The following DACH2 variants were observed in gnomAD, a reference collection of about 807,000 sequenced individuals.
DACH2 encodes dachshund family transcription factor 2, also known as dachshund homolog 2.
A neutral mutation model predicts 35.8 loss-of-function variants in DACH2; 17 were observed. That is an observed-to-expected ratio of 0.48 (90% confidence interval 0.33 to 0.71). The LOEUF (loss-of-function observed/expected upper bound fraction) is 0.71. DACH2 is among the 30% of genes least tolerant of loss of function. DACH2 has a pLI of 0.02. For synonymous variants in DACH2, 195 were observed against 177.3 expected (o/e 1.10, Z -0.79); for missense variants, 469 against 472.7 (o/e 0.99, Z 0.07).
intron 3 of DACH2, among the ~76,000 whole-genome samples, chrX:86,541,190 G>C (rs965879390): frequency 1.8e-5 from 2 of 112,030 alleles, no homozygotes; most frequent in Non-Finnish European, 3.8e-5. Flanking sequence ...TATTGAATTT[G>C]TAAGATACAG....
intron 1 of DACH2, among the ~76,000 whole-genome samples, chrX:86,274,452 T>C (rs1290882102): frequency 2.7e-5 from 1 of 37,487 alleles, no homozygotes; most frequent in African/African-American, 2.0e-4. Context: ...CATTAAATCC[T>C]TTTTTTTTTT....
At chrX:86,358,822 T>A (rs1054341151) in intron 1 of DACH2, among the ~76,000 whole-genome samples, 2 of 112,107 alleles carry the variant, frequency 1.8e-5, no homozygotes, top group African/African-American at 6.5e-5. Flanking sequence ...GCACTTTCCA[T>A]ACAAGGCCAG....
At chrX:86,477,519 A>G (rs1011226739) in intron 2 of DACH2, among the ~76,000 whole-genome samples, 1 of 108,259 alleles carries the variant, frequency 9.2e-6, no homozygotes, top group Non-Finnish European at 1.9e-5. Context: ...GGCAGGGATT[A>G]TATTTTTTCT....
At chrX:86,210,921 A>G (rs1458994151) in intron 1 of DACH2, among the ~76,000 whole-genome samples, 1 of 111,828 alleles carries the variant, frequency 8.9e-6, no homozygotes, top group Non-Finnish European at 1.9e-5. Flanking sequence ...TCAAAGCATC[A>G]TTGAGAGGAT....
At chrX:86,470,284 T>G (rs780898435) in intron 2 of DACH2, among the ~76,000 whole-genome samples, 1 of 112,140 alleles carries the variant, frequency 8.9e-6, no homozygotes, top group South Asian at 3.7e-4. Flanking sequence ...AGCTATATTT[T>G]GATTGACATG....
At chrX:86,209,249 A>T (rs1335931229) in intron 1 of DACH2, among the ~76,000 whole-genome samples, 1 of 111,436 alleles carries the variant, frequency 9.0e-6, no homozygotes, top group Non-Finnish European at 1.9e-5. Flanking sequence ...ACTGGCAAAG[A>T]GTGTCTGGGA....
intron 6 of DACH2, among the ~76,000 whole-genome samples, chrX:86,718,691 T>C (rs2041365327): frequency 8.9e-6 from 1 of 111,901 alleles, no homozygotes; most frequent in Non-Finnish European, 1.9e-5. Context: ...CATTCTTCTG[T>C]GTATGGCAAT....
At chrX:86,666,669 A>G (rs2040673065) in intron 4 of DACH2, among the ~76,000 whole-genome samples, 1 of 111,545 alleles carries the variant, frequency 9.0e-6, no homozygotes, top group Non-Finnish European at 1.9e-5. Flanking sequence ...TACAGTAAAG[A>G]CAATTCTAGC....
chrX:86,745,024 T>C (rs949803677), intron 7 of DACH2, among the ~76,000 whole-genome samples: 1 of 110,558 alleles, frequency 9.0e-6, no homozygotes, highest in Non-Finnish European at 1.9e-5. Context: ...CACTGGGAAG[T>C]AAATGTTTTC....
intron 5 of DACH2, among the ~76,000 whole-genome samples, chrX:86,698,533 T>TTTTTTTTTTTTTG (rs2041099166): frequency 1.3e-4 from 8 of 63,032 alleles, no homozygotes; most frequent in African/African-American, 2.4e-4. Flanking sequence ...TTTTTTTTTT[T>TTTTTTTTTTTTTG]TTTTTTTTTT....
At chrX:86,300,987 T>G (rs1323306957) in intron 1 of DACH2, among the ~76,000 whole-genome samples, 1 of 112,319 alleles carries the variant, frequency 8.9e-6, no homozygotes, top group African/African-American at 3.2e-5. Context: ...TGAAGTGGAT[T>G]CCTTTAGTTG....
At chrX:86,348,064 C>T (rs941758367) in intron 1 of DACH2, among the ~76,000 whole-genome samples, 21 of 111,423 alleles carry the variant, frequency 1.9e-4, no homozygotes, top group Non-Finnish European at 1.1e-4. Flanking sequence ...TAAGACCACC[C>T]GTTATAATGA....
chrX:86,585,034 C>T (rs2039551229), intron 3 of DACH2, among the ~76,000 whole-genome samples: 1 of 111,215 alleles, frequency 9.0e-6, no homozygotes, highest in Admixed American at 9.6e-5. Context: ...ACCAGATTTT[C>T]TTAATCCAAC....
chrX:86,175,696 T>A (rs1225744030), intron 1 of DACH2, among the ~76,000 whole-genome samples: 1 of 111,398 alleles, frequency 9.0e-6, no homozygotes. Flanking sequence ...AGTAGAAGTA[T>A]CTTCCTTTAG....
At chrX:86,534,251 A>T (rs1267887432) in intron 3 of DACH2, among the ~76,000 whole-genome samples, 1 of 111,549 alleles carries the variant, frequency 9.0e-6, no homozygotes. Context: ...GTATGGCAAC[A>T]GTTTTGTGGA....
intron 1 of DACH2, among the ~76,000 whole-genome samples, chrX:86,231,940 C>T (rs180690394): frequency 5.4e-5 from 6 of 111,446 alleles, no homozygotes; most frequent in Middle Eastern, 4.6e-3. Flanking sequence ...CCCTGTATTT[C>T]GCTCAGCTTG....
chrX:86,165,002 C>T (rs2030894935), intron 1 of DACH2, among the ~76,000 whole-genome samples: 1 of 110,747 alleles, frequency 9.0e-6, no homozygotes, highest in South Asian at 3.8e-4. Flanking sequence ...ATAGGAATAG[C>T]ATTGAATCTG....
At chrX:86,603,146 T>C (rs754780611) in intron 3 of DACH2, among the ~76,000 whole-genome samples, 1 of 111,326 alleles carries the variant, frequency 9.0e-6, no homozygotes, top group South Asian at 3.8e-4. Flanking sequence ...CCTTGGTTTG[T>C]AAGTGGCCTT....
At chrX:86,301,228 A>C (rs1339427184) in intron 1 of DACH2, among the ~76,000 whole-genome samples, 1 of 111,964 alleles carries the variant, frequency 8.9e-6, no homozygotes, top group Non-Finnish European at 1.9e-5. Flanking sequence ...TTTGTATGAG[A>C]ACATCATAAA....
Sources: gnomAD v4.1 joint callset for allele counts (sites outside exome capture counted in the v4.1 genomes callset) on GRCh38, gnomAD v4.1.1 for gene constraint, MANE v1.5 for transcripts, NCBI Gene and HGNC (gene_info 2026-07-23, HGNC 2026-07-21) for gene names.